HDAC9: variants seen among roughly 807,000 people sequenced by gnomAD.
HDAC9 encodes histone deacetylase 9, also known as MEF-2 interacting transcription repressor (MITR) protein.
HDAC9 carries 41 observed loss-of-function variants against 139.4 expected under a neutral mutation model. The ratio of observed to expected loss-of-function variants is 0.29; its 90% CI spans 0.23 to 0.38. The LOEUF is 0.38. Ranked by LOEUF, HDAC9 falls within the 10% of genes least tolerant of loss-of-function variation. The probability of loss-of-function intolerance (pLI) is 1.00; values close to 1 mark genes in which losing one functional copy is unlikely to be tolerated. For synonymous variants in HDAC9, 517 were observed against 476.2 expected (o/e 1.09, Z -1.12); for missense variants, 1,147 against 1,297.0 (o/e 0.88, Z 1.78).
At chr7:18,367,728 T>C (rs1422327503) in intron 1 of HDAC9, among the ~76,000 whole-genome samples, 1 of 152,060 alleles carries the variant, frequency 6.6e-6, no homozygotes, top group Non-Finnish European at 1.5e-5. Context: ...ATAGGGTGGG[T>C]ACATGTTCAA....
At chr7:18,389,057 A>G (rs922735516) in intron 1 of HDAC9, among the ~76,000 whole-genome samples, 3 of 152,168 alleles carry the variant, frequency 2.0e-5, no homozygotes, top group Non-Finnish European at 4.4e-5. Context: ...TCACTAGGCA[A>G]TTGGATTGCC....
chr7:18,677,054 A>G (rs1040290046), intron 12 of HDAC9, among the ~76,000 whole-genome samples: 1 of 151,940 alleles, frequency 6.6e-6, no homozygotes, highest in African/African-American at 2.4e-5. Context: ...TTTGAGAAAT[A>G]TATATGCCAC....
intron 2 of HDAC9, among the ~76,000 whole-genome samples, chr7:18,204,249 A>C (rs192809711): frequency 1.3e-5 from 2 of 151,818 alleles, no homozygotes; most frequent in East Asian, 3.9e-4. Flanking sequence ...TAGTTTACTT[A>C]ATCATTCCTA....
chr7:18,720,276 A>T (rs1785043391), intron 12 of HDAC9, among the ~76,000 whole-genome samples: 1 of 151,970 alleles, frequency 6.6e-6, no homozygotes, highest in African/African-American at 2.4e-5. Flanking sequence ...ATGCTATTGA[A>T]TTGAATTATT....
intron 6 of HDAC9, among the ~76,000 whole-genome samples, chr7:18,602,627 A>G (rs1834288306): frequency 6.6e-6 from 1 of 151,824 alleles, no homozygotes; most frequent in African/African-American, 2.4e-5. Context: ...CATCCCACAG[A>G]TTTTGATAAG....
intron 1 of HDAC9, among the ~76,000 whole-genome samples, chr7:18,096,523 C>T (rs1177870267): frequency 6.6e-6 from 1 of 152,192 alleles, no homozygotes; most frequent in South Asian, 2.1e-4. Context: ...TATTTCACAT[C>T]AAGCTCATGG....
rs1826006681 is a variant in HDAC9, at chr7:18,576,580, T to G, written c.23-8701T>G. Among the ~76,000 whole-genome samples, 9 of 148,832 alleles carry G rather than the reference T, an allele frequency of 6.0e-5. No individual in the cohort carries two copies. The South Asian group carries it at 8.4e-4, about 14-fold the overall frequency. ...GGGAGGCTGATGCAGGAGAATGACT[T>G]AAACCCGGCAGGCAGAGGTTGCAGT... is the stretch of plus-strand genomic sequence containing the variant. On this transcript the variant is annotated intron_variant, in intron 2 of 25. Coordinates refer to ENST00000686413, the MANE Select transcript of HDAC9 (RefSeq NM_178425.4).
At chr7:18,992,735 A>T (rs1786086218) in intron 25 of HDAC9, among the ~76,000 whole-genome samples, 2 of 152,108 alleles carry the variant, frequency 1.3e-5, no homozygotes, top group South Asian at 2.1e-4. Flanking sequence ...AAATTATCTT[A>T]TGGCTGTTGG....
intron 23 of HDAC9, among the ~76,000 whole-genome samples, chr7:18,953,786 G>A (rs1177645745): frequency 6.6e-6 from 1 of 152,010 alleles, no homozygotes; most frequent in Non-Finnish European, 1.5e-5. Context: ...CTTCCCTGAG[G>A]TTTTGTTTGC....
chr7:18,182,264 A>G (rs1291135627), intron 2 of HDAC9, among the ~76,000 whole-genome samples: 2 of 152,182 alleles, frequency 1.3e-5, no homozygotes, highest in African/African-American at 4.8e-5. Flanking sequence ...TTGACAGGTA[A>G]TAGGTTGATA....
intron 2 of HDAC9, among the ~76,000 whole-genome samples, chr7:18,575,491 C>G (rs913007600): frequency 6.6e-6 from 1 of 152,170 alleles, no homozygotes; most frequent in Non-Finnish European, 1.5e-5. Context: ...CTGAAGCAAA[C>G]AGCATGAATG....
At chr7:18,380,004 A>G (rs1785294850) in intron 1 of HDAC9, among the ~76,000 whole-genome samples, 2 of 152,192 alleles carry the variant, frequency 1.3e-5, no homozygotes, top group Admixed American at 1.3e-4. Flanking sequence ...GAATGAATGG[A>G]GTAACACATT....
intron 17 of HDAC9, among the ~76,000 whole-genome samples, chr7:18,809,567 A>G (rs976110765): frequency 1.3e-5 from 2 of 152,030 alleles, no homozygotes; most frequent in African/African-American, 2.4e-5. Flanking sequence ...AGTTATACAG[A>G]CATATATCTG....
At chr7:18,590,130 T>C (rs1017858084) in intron 3 of HDAC9, among the ~76,000 whole-genome samples, 7 of 152,224 alleles carry the variant, frequency 4.6e-5, no homozygotes, top group African/African-American at 1.7e-4. Context: ...ATAATGGAGC[T>C]ACCTAAAACT....
At chr7:18,451,413 GTGTGTGTGTA>G (rs1473196278) in intron 1 of HDAC9, among the ~76,000 whole-genome samples, 2 of 144,926 alleles carry the variant, frequency 1.4e-5, no homozygotes, top group Non-Finnish European at 3.1e-5. Flanking sequence ...ATATATGTGT[GTGTGTGTGTA>G]TATATATGTG....
intron 1 of HDAC9, among the ~76,000 whole-genome samples, chr7:18,147,144 A>C (rs1157580412): frequency 6.6e-6 from 1 of 151,526 alleles, no homozygotes; most frequent in Non-Finnish European, 1.5e-5. Context: ...TTTTTGTCTG[A>C]AAGGTGACAG....
intron 2 of HDAC9, among the ~76,000 whole-genome samples, chr7:18,186,366 T>C (rs1789914261): frequency 6.6e-6 from 1 of 152,266 alleles, no homozygotes; most frequent in African/African-American, 2.4e-5. Context: ...CTGTTGAAGC[T>C]AACAAGGAAC....
intron 25 of HDAC9, among the ~76,000 whole-genome samples, chr7:18,991,961 A>G (rs1786014099): frequency 6.6e-6 from 1 of 152,250 alleles, no homozygotes; most frequent in Non-Finnish European, 1.5e-5. Context: ...CACACAGTAC[A>G]CAGTCAGCAA....
intron 12 of HDAC9, among the ~76,000 whole-genome samples, chr7:18,669,544 A>C (rs1326067733): frequency 6.6e-6 from 1 of 151,902 alleles, no homozygotes; most frequent in Non-Finnish European, 1.5e-5. Context: ...TTATCATTTT[A>C]TAGTGCCATA....
Sources: gnomAD v4.1 joint callset for allele counts (sites outside exome capture counted in the v4.1 genomes callset) on GRCh38, gnomAD v4.1.1 for gene constraint, MANE v1.5 for transcripts, NCBI Gene and HGNC (gene_info 2026-07-23, HGNC 2026-07-21) for gene names.